BAP1: variants seen among roughly 807,000 people sequenced by gnomAD.
BAP1 encodes the protein ubiquitin carboxyl-terminal hydrolase BAP1.
A neutral mutation model predicts 77.2 loss-of-function variants in BAP1; 16 were observed. The ratio of observed to expected loss-of-function variants is 0.21; its 90% CI spans 0.14 to 0.31. The LOEUF is 0.31. Among genes scored for constraint, BAP1 ranks in the 10% least tolerant of loss-of-function variants. The pLI is 1.00. For missense variants in BAP1, 699 were observed against 967.3 expected (o/e 0.72, Z 3.68); for synonymous variants, 362 against 385.2 (o/e 0.94, Z 0.71).
rs2153227495 is a variant in BAP1, at chr3:52,406,363, C to T, written c.673G>A (p.Asp225Asn). 2 of 1,613,806 alleles carry T rather than the reference C, an allele frequency of 1.2e-6. No homozygotes were observed. The highest frequency in any genetic ancestry group is 8.5e-7 in the Non-Finnish European group (1 of 1,180,014). ...GLATAGEPYH[D>N]IRFNLMAVVP... ...ACTGCCATCAGGTTGAAGCGGATGT[C>T]GTGGTAGGGCTCCCTGCAGTCACAG... Residue 225 changes from aspartate to asparagine, a missense_variant, in exon 9 of 17, where the codon GAC (aspartate) becomes AAC (asparagine). Coordinates refer to ENST00000460680, the MANE Select transcript of BAP1 (RefSeq NM_004656.4). This position sits in a 1 kb window ranked among gnomAD's most constrained non-coding sequence, Gnocchi z 4.6.
In BAP1 at chr3:52,403,208, G is replaced by A. The variant is rs770654975; in HGVS notation, c.1820C>T (p.Thr607Met). The change falls in exon 14 of 17, where the codon ACG becomes ATG. Residue 607 changes from threonine to methionine, a missense_variant. Thr to Met is a moderately conservative substitution (Grantham distance 81). This residue lies in a region of BAP1 where 475 missense variants were observed against 532.4 expected (regional missense o/e 0.89). Coordinates refer to ENST00000460680, the MANE Select transcript of BAP1 (RefSeq NM_004656.4). This position sits in a 1 kb window ranked among gnomAD's most constrained non-coding sequence, Gnocchi z 4.0. ...CATCCCCGTCTTCTCTCTGCTGTCCGTGGCTTCCACGACCTCCTTCTCCAC... is the reference window on the plus strand; with the variant it reads ...CATCCCCGTCTTCTCTCTGCTGTCCATGGCTTCCACGACCTCCTTCTCCAC... Reference protein sequence around the residue: ...SPVEKEVVEATDSREKTGMVR... With the variant: ...SPVEKEVVEAMDSREKTGMVR... 6.2e-6 allele frequency: 10 copies of A among 1,614,016 alleles called. No individual in the cohort carries two copies. In the East Asian group the frequency reaches 8.9e-5, roughly 14 times the overall value.
chr3:52,401,929 T>C lies in BAP1; in HGVS notation c.*359A>G, dbSNP rs1014004758. 6 of 420,380 alleles carry C rather than the reference T, an allele frequency of 1.4e-5. No individual in the cohort carries two copies. The highest frequency in any genetic ancestry group is 9.8e-5 in the African/African-American group (5 of 50,940). 26.0% of individuals were successfully genotyped at this position (420,380 alleles called of 1,614,324 possible). On this transcript the variant is annotated 3_prime_UTR_variant, in exon 17 of 17. Coordinates refer to ENST00000460680, the MANE Select transcript of BAP1 (RefSeq NM_004656.4). ...AGTCAGGTAGGAACTTATGTCAACA[T>C]GGTGGCATGTTGGGTTGGAGCCCAG...
chr3:52,408,556 G>T lies in BAP1; in HGVS notation c.173C>A (p.Ser58Tyr), dbSNP rs1705238935. The T allele has an allele frequency of 6.2e-7, 1 of 1,611,258 alleles. No homozygotes were observed. Among genetic ancestry groups the T allele is most frequent in the Non-Finnish European group, 8.5e-7 (1 of 1,178,788 alleles). Residue 58 changes from serine (S) to tyrosine (Y), a missense_variant, in exon 4 of 17, where the codon TCC (serine) becomes TAC (tyrosine). Physicochemically the swap from Ser to Tyr is moderately radical, Grantham distance 144 (BLOSUM62 -2). Around this residue, in one of 3 missense-constraint regions of BAP1, gnomAD observed 160 missense variants for 322.8 expected, o/e 0.50. Coordinates refer to ENST00000460680, the MANE Select transcript of BAP1 (RefSeq NM_004656.4). ...CACCAAGGTAGAGACCTTTCGCCGG[G>T]ACCGGCGCTCTTCGATCCATTTGAA... ...FLFKWIEERR[S>Y]RRKVSTLVDD...
rs1469317943 is a variant in BAP1, at chr3:52,407,202, A to G, written c.552T>C (p.Asp184=). ...VPITGRLFEL[D]GLKVYPIDHG... is the part of the protein sequence containing the mutation. ...GGTCAATGGGGTAGACCTTCAGCCC[A>G]TCCAGCTCAAAGAGCCGGCCTGTGA... The change falls in exon 7 of 17, where the codon GAT becomes GAC. Residue 184 remains aspartate, a synonymous_variant. Coordinates refer to ENST00000460680, the MANE Select transcript of BAP1 (RefSeq NM_004656.4). 2.5e-6 allele frequency: 4 copies of G among 1,614,142 alleles called. No homozygotes were observed. Among genetic ancestry groups the G allele is most frequent in the Non-Finnish European group, 3.4e-6 (4 of 1,180,036 alleles).
At chr3:52,405,083 A>C (rs780972065) in intron 11 of BAP1, 27 bp downstream of exon 11, 3 of 1,613,418 alleles carry the variant, frequency 1.9e-6, no homozygotes, top group Non-Finnish European at 2.5e-6. Context: ...TCAAGTAGAG[A>C]ATCCTGCAAG....
At position 52,402,251 on chromosome 3, in the gene BAP1, C is replaced by G. The variant is rs139307137; in HGVS notation, c.*37G>C. The G allele has an allele frequency of 3.1e-6, 5 of 1,594,148 alleles. No homozygotes were observed. The highest frequency in any genetic ancestry group is 3.4e-6 in the Non-Finnish European group (4 of 1,172,532). The stretch of plus-strand genomic sequence containing the variant: ...GGGAAGGACCCTGGTGAGGGCCACA[C>G]GGCAAGAGTGGGCTGCAGAGTCAGG... On this transcript the variant is annotated 3_prime_UTR_variant, in exon 17 of 17. Transcript: ENST00000460680. This position sits in a 1 kb window ranked among gnomAD's most constrained non-coding sequence, Gnocchi z 5.3.
In BAP1 at chr3:52,403,675, A is replaced by G. The variant is rs2153226708; in HGVS notation, c.1470T>C (p.Asn490=). 1.2e-6 allele frequency: 2 copies of G among 1,613,764 alleles called. No homozygotes were observed. The part of the protein sequence containing the change: ...THSQPSPTPS[N]ESTDTASEIG... ...TCTCAGAGGCCGTGTCTGTACTCTC[A>G]TTGCTGGGGGTGGGTGAGGGCTGCG... Residue 490 remains asparagine, a synonymous_variant, in exon 13 of 17, where the codon AAT becomes AAC. Transcript: ENST00000460680. This position sits in a 1 kb window ranked among gnomAD's most constrained non-coding sequence, Gnocchi z 4.0.
Position 52,409,886 on chromosome 3 carries a change from CG to C in BAP1, c.-9del. 6.2e-7 allele frequency: 1 copy of C among 1,606,680 alleles called. No individual in the cohort carries two copies. On this transcript the variant is annotated 5_prime_UTR_variant, in exon 1 of 17. Transcript: ENST00000460680. ...CAGCCAGCCCTTATTCATCTTCCCGCGGGGCGGCCCCTCAGCGCCATGTCCA... is the reference window on the plus strand; with the variant it reads ...CAGCCAGCCCTTATTCATCTTCCCGCGGGCGGCCCCTCAGCGCCATGTCCA...
rs758253656 is a variant in BAP1 at position 52,408,651 on chromosome 3, G to A, written c.123-45C>T. Reference sequence around the variant, plus strand: ...GAGCCAGATCAGCCAAAGGGGAGAAGACAATCAGCATTCCCTTCTTTCTCC... The same window carrying A: ...GAGCCAGATCAGCCAAAGGGGAGAAAACAATCAGCATTCCCTTCTTTCTCC... On this transcript the variant is annotated intron_variant, in intron 3 of 16. Transcript: ENST00000460680. The A allele has an allele frequency of 1.7e-5, 27 of 1,586,742 alleles. No homozygotes were observed. The Admixed American group carries it at 3.9e-4, about 23-fold the overall frequency.
chr3:52,404,084 CAA>C (rs1705067847), intron 12 of BAP1, among the ~76,000 whole-genome samples, 190 bp from the exon 13 acceptor site: 1 of 152,214 alleles, frequency 6.6e-6, no homozygotes, highest in African/African-American at 2.4e-5. Flanking sequence ...CAAGTGTCCT[CAA>C]AAGACACTTC....
Position 52,403,096 on chromosome 3 carries a change from C to A in BAP1, c.1890+42G>T, listed in dbSNP as rs1166635113. The A allele has an allele frequency of 6.2e-7, 1 of 1,608,062 alleles. No homozygotes were observed. The highest frequency in any genetic ancestry group is 1.1e-5 in the South Asian group (1 of 91,042). ...TGGGCAGGAGGAGCTCAGGCCTTAC[C>A]CTCTGCCAGGATTAAAGGAGAAAAC... is the stretch of plus-strand genomic sequence containing the variant. On this transcript the variant is annotated intron_variant, in intron 14 of 16. Coordinates refer to ENST00000460680, the MANE Select transcript of BAP1 (RefSeq NM_004656.4). The surrounding 1 kb of genome is among the most constrained non-coding windows in gnomAD (Gnocchi z 4.0).
In BAP1 at chr3:52,403,341, C is replaced by T. The variant is rs1198753266; in HGVS notation, c.1730-43G>A. 6.2e-7 allele frequency: 1 copy of T among 1,612,712 alleles called. No homozygotes were observed. Among genetic ancestry groups the T allele is most frequent in the Non-Finnish European group, 8.5e-7 (1 of 1,179,880 alleles). ...AAGAAAATCATCAGAGTGCAGGACACTTTGTGGTCACTTGGCCACTTCCCT... is the reference window on the plus strand; with the variant it reads ...AAGAAAATCATCAGAGTGCAGGACATTTTGTGGTCACTTGGCCACTTCCCT... On this transcript the variant is annotated intron_variant, in intron 13 of 16. Transcript: ENST00000460680. This position sits in a 1 kb window ranked among gnomAD's most constrained non-coding sequence, Gnocchi z 4.0.
At position 52,403,345 on chromosome 3, in the gene BAP1, G is replaced by C. The variant is rs1578220028; in HGVS notation, c.1730-47C>G. ...AAATCATCAGAGTGCAGGACACTTT[G>C]TGGTCACTTGGCCACTTCCCTCCTC... is the stretch of plus-strand genomic sequence containing the variant. On this transcript the variant is annotated intron_variant, in intron 13 of 16. Coordinates refer to ENST00000460680, the MANE Select transcript of BAP1 (RefSeq NM_004656.4). The surrounding 1 kb of genome is among the most constrained non-coding windows in gnomAD (Gnocchi z 4.0). 1 of 1,612,472 alleles carries C rather than the reference G, an allele frequency of 6.2e-7. No individual in the cohort carries two copies.
At position 52,401,747 on chromosome 3, in the gene BAP1, G is replaced by C. The variant is rs1173934297; in HGVS notation, c.*541C>G. 8.1e-6 allele frequency: 2 copies of C among 245,870 alleles called. No individual in the cohort carries two copies. Among genetic ancestry groups the C allele is most frequent in the Non-Finnish European group, 1.6e-5 (2 of 124,884 alleles). 15.2% of individuals were successfully genotyped at this position (245,870 alleles called of 1,614,324 possible). On this transcript the variant is annotated 3_prime_UTR_variant, in exon 17 of 17. Coordinates refer to ENST00000460680, the MANE Select transcript of BAP1 (RefSeq NM_004656.4). ...AAGAGGAATGAAGAGAGAAGACCTG[G>C]CTTCCTTACAACAGGGACAGGCTGG...
intron 3 of BAP1, 100 bp downstream of exon 3, chr3:52,409,454 C>T (rs1705285201): frequency 6.8e-7 from 1 of 1,476,208 alleles, no homozygotes; most frequent in Non-Finnish European, 9.5e-7. Flanking sequence ...GATTTTACAA[C>T]GTAGGGTTCC....
Position 52,406,363 on chromosome 3 carries a change from CGTG to C in BAP1, c.670_672del (p.His224del), listed in dbSNP as rs1337893429. 2.5e-6 allele frequency: 4 copies of C among 1,613,806 alleles called. No homozygotes were observed. Among genetic ancestry groups the C allele is most frequent in the Non-Finnish European group, 3.4e-6 (4 of 1,180,014 alleles). On this transcript the variant is annotated inframe_deletion, in exon 9 of 17. Transcript: ENST00000460680. This position sits in a 1 kb window ranked among gnomAD's most constrained non-coding sequence, Gnocchi z 4.6. Reference sequence around the variant, plus strand: ...ACTGCCATCAGGTTGAAGCGGATGTCGTGGTAGGGCTCCCTGCAGTCACAGCCG... The same window carrying C: ...ACTGCCATCAGGTTGAAGCGGATGTCGTAGGGCTCCCTGCAGTCACAGCCG...
rs1420818578 is a variant in BAP1, at chr3:52,405,530, AG to A, written c.931+234del. The A allele has an allele frequency of 5.0e-5, 31 of 618,104 alleles. No individual in the cohort carries two copies. In the East Asian group the frequency reaches 7.2e-4, roughly 14 times the overall value. The allele number at this position is 618,104 out of a possible 1,614,324, so 38.3% of individuals were successfully genotyped here. A position where few individuals can be genotyped will look rare whatever the true frequency, so the allele number is the denominator to read the frequency against. On this transcript the variant is annotated intron_variant, in intron 10 of 16. Coordinates refer to ENST00000460680, the MANE Select transcript of BAP1 (RefSeq NM_004656.4). Reference sequence around the variant, plus strand: ...AAAAAAAAAAAAAAAAACCGCCTCTAGAGAAAACAAGAAAGGGAGTGTACAT... The same window carrying A: ...AAAAAAAAAAAAAAAAACCGCCTCTAAGAAAACAAGAAAGGGAGTGTACAT...
intron 3 of BAP1, 147 bp downstream of exon 3, chr3:52,409,407 G>C: frequency 9.3e-7 from 1 of 1,079,700 alleles, no homozygotes; most frequent in African/African-American, 1.6e-5. Flanking sequence ...TTGATCAGGA[G>C]CGGGCACTCA....
At chr3:52,404,964 A>G in intron 11 of BAP1, 146 bp downstream of exon 11, 1 of 1,070,968 alleles carries the variant, frequency 9.3e-7, no homozygotes, top group South Asian at 1.3e-5. Context: ...TTTTCATATC[A>G]GGCAGAGGAA....
Sources: gnomAD v4.1 joint callset for allele counts (sites outside exome capture counted in the v4.1 genomes callset) on GRCh38, gnomAD v4.1.1 for gene constraint, gnomAD v4.1.1 regional missense constraint, Gnocchi (gnomAD v3.1) non-coding constraint, MANE v1.5 for transcripts, NCBI Gene and HGNC (gene_info 2026-07-23, HGNC 2026-07-21) for gene names.